HS2ST1: variants seen among roughly 807,000 people sequenced by gnomAD.
HS2ST1 encodes heparan sulfate 2-O-sulfotransferase 1.
HS2ST1 carries 18 observed loss-of-function variants against 42.9 expected under a neutral mutation model. That is an observed-to-expected ratio of 0.42 (90% confidence interval 0.29 to 0.62). The LOEUF is 0.62. HS2ST1 is among the 20% of genes least tolerant of loss of function. The pLI is 0.21. For missense variants in HS2ST1, 334 were observed against 433.8 expected, an observed-to-expected ratio of 0.77 and a Z score of 2.04; for synonymous variants, 146 against 152.9, an observed-to-expected ratio of 0.95 and a Z score of 0.33.
chr1:87,105,750 C>T lies in HS2ST1; in HGVS notation c.*1054C>T, dbSNP rs1420488717. 6.6e-6 allele frequency: 1 copy of T among 152,478 alleles called. No individual in the cohort carries two copies. The highest frequency in any genetic ancestry group is 1.9e-4 in the East Asian group (1 of 5,192). 9.4% of individuals were successfully genotyped at this position (152,478 alleles called of 1,614,324 possible). On this transcript the variant is annotated 3_prime_UTR_variant, in exon 7 of 7. Transcript: ENST00000370550. ...TTTTATGTCAAGTAAAACCATCAGA[C>T]CTACTGTTCTTGTATTTCTCATTTA...
At chr1:87,086,662 G>T (rs1383939683) in intron 3 of HS2ST1, among the ~76,000 whole-genome samples, 1 of 151,900 alleles carries the variant, frequency 6.6e-6, no homozygotes. Context: ...CATTATATTT[G>T]CAAGCTTGTC....
intron 1 of HS2ST1, among the ~76,000 whole-genome samples, chr1:87,041,358 G>C (rs933597590): frequency 1.3e-5 from 2 of 151,616 alleles, no homozygotes; most frequent in East Asian, 3.9e-4. Flanking sequence ...CTGCACTCCA[G>C]TGTGGGTTAC....
intron 4 of HS2ST1, 21 bp from the exon 5 acceptor site, chr1:87,097,817 G>A (rs1447543741): frequency 3.1e-6 from 5 of 1,613,326 alleles, no homozygotes; most frequent in Admixed American, 1.7e-5. Context: ...GCTTACCCGT[G>A]CTGCTTTGTC....
intron 5 of HS2ST1, among the ~76,000 whole-genome samples, chr1:87,102,685 A>G (rs1000838660): frequency 1.3e-5 from 2 of 152,186 alleles, no homozygotes; most frequent in African/African-American, 4.8e-5. Context: ...TTTCTTTAGT[A>G]TGTTTCATAG....
intron 2 of HS2ST1, among the ~76,000 whole-genome samples, chr1:87,081,344 T>A (rs1570535809): frequency 1.3e-5 from 2 of 152,072 alleles, no homozygotes; most frequent in Admixed American, 1.3e-4. Flanking sequence ...CAAAAAAAAA[T>A]TGAAATTATA....
rs1557545320 is a variant in HS2ST1, at chr1:87,097,838, A to G, written c.589A>G (p.Thr197Ala). 1 of 1,613,842 alleles carries G rather than the reference A, an allele frequency of 6.2e-7. No homozygotes were observed. The highest frequency in any genetic ancestry group is 8.5e-7 in the Non-Finnish European group (1 of 1,179,918). The change falls in exon 5 of 7, where the codon ACC becomes GCC. Residue 197 changes from threonine (T) to alanine (A), a missense_variant and splice_region_variant. By Grantham distance (58) the Thr-to-Ala change is moderately conservative (BLOSUM62 0). Coordinates refer to ENST00000370550, the MANE Select transcript of HS2ST1 (RefSeq NM_012262.4). The part of the protein sequence containing the change: ...LRRRKQGDKK[T>A]FDECVAEGGS... Reference sequence around the variant, plus strand: ...CCGTGCTGCTTTGTCTTTGTTCTAGACCTTTGATGAATGTGTAGCAGAAGG... The same window carrying G: ...CCGTGCTGCTTTGTCTTTGTTCTAGGCCTTTGATGAATGTGTAGCAGAAGG...
At chr1:87,061,280 T>C (rs1230431940) in intron 1 of HS2ST1, among the ~76,000 whole-genome samples, 2 of 152,128 alleles carry the variant, frequency 1.3e-5, no homozygotes, top group African/African-American at 4.8e-5. Context: ...TTAGCCATTT[T>C]ACAGGGAACA....
At chr1:87,034,491 T>C (rs1364230670) in intron 1 of HS2ST1, among the ~76,000 whole-genome samples, 1 of 152,166 alleles carries the variant, frequency 6.6e-6, no homozygotes, top group Non-Finnish European at 1.5e-5. Context: ...TTTACATAAT[T>C]CACTAAAATT....
chr1:87,032,894 CAGTT>C (rs528900981), intron 1 of HS2ST1, among the ~76,000 whole-genome samples: 35 of 152,316 alleles, frequency 2.3e-4, no homozygotes, highest in Middle Eastern at 3.4e-3. Context: ...ACAGCTGACT[CAGTT>C]AGACCATGTG....
At chr1:87,045,525 T>A in intron 1 of HS2ST1, 1 of 838,316 alleles carries the variant, frequency 1.2e-6, no homozygotes, top group Non-Finnish European at 2.1e-6. Flanking sequence ...GGCACATATG[T>A]AACAATTGGG....
At chr1:86,963,872 C>CGGACG (rs1647944457) in intron 1 of HS2ST1, among the ~76,000 whole-genome samples, 10 of 148,818 alleles carry the variant, frequency 6.7e-5, no homozygotes, top group African/African-American at 2.5e-4. Context: ...GGTGGCTGGC[C>CGGACG]GGGCGGGGCG....
intron 1 of HS2ST1, among the ~76,000 whole-genome samples, chr1:87,060,827 C>T (rs935021498): frequency 3.3e-5 from 5 of 152,018 alleles, no homozygotes; most frequent in Non-Finnish European, 5.9e-5. Context: ...ATTCCTTTAA[C>T]GTAGTAACCT....
intron 1 of HS2ST1, among the ~76,000 whole-genome samples, chr1:86,924,458 C>T (rs1310437404): frequency 2.0e-5 from 3 of 152,244 alleles, no homozygotes; most frequent in Non-Finnish European, 4.4e-5. Context: ...CCACATTTCC[C>T]TTCCACACTG....
At chr1:86,989,210 A>G (rs1009805172) in intron 1 of HS2ST1, among the ~76,000 whole-genome samples, 5 of 152,228 alleles carry the variant, frequency 3.3e-5, no homozygotes, top group Admixed American at 1.3e-4. Context: ...TAACTTAGCT[A>G]TGGTTTTTTA....
At chr1:87,043,007 A>G (rs1650559305) in intron 1 of HS2ST1, among the ~76,000 whole-genome samples, 1 of 152,092 alleles carries the variant, frequency 6.6e-6, no homozygotes, top group Non-Finnish European at 1.5e-5. Context: ...GAGCCATGCT[A>G]TTATTCTTCC....
chr1:87,086,173 T>A (rs1336625705), intron 3 of HS2ST1, among the ~76,000 whole-genome samples: 1 of 152,178 alleles, frequency 6.6e-6, no homozygotes, highest in African/African-American at 2.4e-5. Flanking sequence ...GCCTTACCAA[T>A]TTTTTAGATT....
In HS2ST1 at chr1:87,107,677, A is replaced by T. The variant is rs2100660758; in HGVS notation, c.*2981A>T. ...TATATGTTTATTTCCTAAAAGAAGA[A>T]AAGATACCTTTCTGTTCAACTTGTA... is the stretch of plus-strand genomic sequence containing the variant. On this transcript the variant is annotated 3_prime_UTR_variant, in exon 7 of 7. Transcript: ENST00000370550. 6.6e-6 allele frequency: 1 copy of T among 151,952 alleles called. No homozygotes were observed. Among genetic ancestry groups the T allele is most frequent in the East Asian group, 1.9e-4 (1 of 5,190 alleles). 9.4% of individuals were successfully genotyped at this position (151,952 alleles called of 1,614,324 possible).
intron 6 of HS2ST1, 112 bp downstream of exon 6, chr1:87,103,701 A>G: frequency 1.2e-6 from 1 of 859,910 alleles, no homozygotes; most frequent in Non-Finnish European, 1.7e-6. Context: ...AGATAGCTCC[A>G]GAAAGGCAGG....
At chr1:87,045,556 A>G in intron 1 of HS2ST1, 1 of 796,802 alleles carries the variant, frequency 1.3e-6, no homozygotes, top group Non-Finnish European at 2.3e-6. Context: ...TCCAGTGCAC[A>G]AGGCACAAGA....
Sources: gnomAD v4.1 joint callset for allele counts (sites outside exome capture counted in the v4.1 genomes callset) on GRCh38, gnomAD v4.1.1 for gene constraint, MANE v1.5 for transcripts, NCBI Gene and HGNC (gene_info 2026-07-23, HGNC 2026-07-21) for gene names.